Variants in LRRC4C observed in about 807,000 individuals in gnomAD.
LRRC4C encodes the protein leucine rich repeat containing 4C, also known as leucine-rich repeat-containing protein 4C.
LRRC4C carries 5 observed loss-of-function variants against 33.6 expected under a neutral mutation model. The observed-to-expected ratio is 0.15, with a 90% confidence interval of 0.08 to 0.31. The LOEUF is 0.31. Among genes scored for constraint, LRRC4C ranks in the 10% least tolerant of loss-of-function variants. The pLI is 1.00. For missense variants in LRRC4C, 560 were observed against 796.7 expected (o/e 0.70, Z 3.58); for synonymous variants, 329 against 302.0 (o/e 1.09, Z -0.93).
chr11:41,253,840 C>T lies in LRRC4C; in HGVS notation c.-496+205591G>A, dbSNP rs577973427. Among the ~76,000 whole-genome samples, 46 of 152,132 alleles carry T rather than the reference C, an allele frequency of 3.0e-4. No individual in the cohort carries two copies. The East Asian group carries it at 3.5e-3, about 11-fold the overall frequency. ...AAAAGAGTCAAAAGACTAATGACGG[C>T]GGCAGTTTTAGAATAAGGATCCACC... On this transcript the variant is annotated intron_variant, in intron 1 of 6. Transcript: ENST00000528697.
intron 4 of LRRC4C, among the ~76,000 whole-genome samples, chr11:40,303,039 G>A (rs1205756196): frequency 6.6e-6 from 1 of 152,006 alleles, no homozygotes; most frequent in Non-Finnish European, 1.5e-5. Context: ...TTCTTTTTGG[G>A]GAGTTTTTTC....
At chr11:41,198,589 C>G (rs1287990453) in intron 1 of LRRC4C, among the ~76,000 whole-genome samples, 2 of 150,198 alleles carry the variant, frequency 1.3e-5, no homozygotes, top group African/African-American at 4.9e-5. Flanking sequence ...TCCAAATGAG[C>G]CCTTCTGACA....
At chr11:41,021,420 T>G (rs1388256271) in intron 1 of LRRC4C, among the ~76,000 whole-genome samples, 1 of 151,988 alleles carries the variant, frequency 6.6e-6, no homozygotes, top group Non-Finnish European at 1.5e-5. Flanking sequence ...AACCCTACAC[T>G]AGACTTCCCT....
At chr11:40,144,335 G>C (rs1212953283) in intron 5 of LRRC4C, among the ~76,000 whole-genome samples, 1 of 152,068 alleles carries the variant, frequency 6.6e-6, no homozygotes, top group Non-Finnish European at 1.5e-5. Flanking sequence ...GCTACCAGCA[G>C]ACCCTTCATT....
At chr11:40,741,276 A>G (rs542245411) in intron 2 of LRRC4C, among the ~76,000 whole-genome samples, 19 of 152,086 alleles carry the variant, frequency 1.2e-4, no homozygotes, top group Non-Finnish European at 2.8e-4. Context: ...GTGTGAAAAT[A>G]AAACCATTAA....
chr11:40,741,367 A>G (rs1378848517), intron 2 of LRRC4C, among the ~76,000 whole-genome samples: 2 of 152,070 alleles, frequency 1.3e-5, no homozygotes, highest in Admixed American at 1.3e-4. Flanking sequence ...AATCTCCAAC[A>G]TATCAAGACT....
At chr11:40,590,129 T>G (rs1047064988) in intron 3 of LRRC4C, among the ~76,000 whole-genome samples, 2 of 151,734 alleles carry the variant, frequency 1.3e-5, no homozygotes, top group African/African-American at 4.8e-5. Context: ...CAGATGTAGA[T>G]TTGGTCTTTT....
intron 3 of LRRC4C, among the ~76,000 whole-genome samples, chr11:40,569,959 C>T (rs1005638535): frequency 2.6e-5 from 4 of 151,536 alleles, no homozygotes; most frequent in African/African-American, 7.3e-5. Flanking sequence ...CAGTTTGCTC[C>T]ATGGAGTTTG....
intron 1 of LRRC4C, among the ~76,000 whole-genome samples, chr11:40,993,526 G>A (rs1268257350): frequency 6.6e-6 from 1 of 152,114 alleles, no homozygotes; most frequent in Non-Finnish European, 1.5e-5. Flanking sequence ...AAGGACACCT[G>A]CATTGAAACT....
intron 1 of LRRC4C, among the ~76,000 whole-genome samples, chr11:41,388,714 A>G (rs1953460808): frequency 6.6e-6 from 1 of 151,848 alleles, no homozygotes; most frequent in African/African-American, 2.4e-5. Context: ...AGTGAAGCCA[A>G]TTATAGAAAG....
intron 1 of LRRC4C, among the ~76,000 whole-genome samples, chr11:41,429,865 A>G (rs1955175968): frequency 6.6e-6 from 1 of 152,128 alleles, no homozygotes; most frequent in Non-Finnish European, 1.5e-5. Flanking sequence ...TCCCCTGGAG[A>G]GGTTAGATAG....
intron 3 of LRRC4C, among the ~76,000 whole-genome samples, chr11:40,438,218 CT>C (rs1951227338): frequency 6.6e-6 from 1 of 152,204 alleles, no homozygotes; most frequent in Non-Finnish European, 1.5e-5. Flanking sequence ...CTGATATATG[CT>C]TCCCCTAGTT....
At chr11:40,990,883 G>C (rs1252476335) in intron 1 of LRRC4C, among the ~76,000 whole-genome samples, 1 of 151,742 alleles carries the variant, frequency 6.6e-6, no homozygotes, top group Admixed American at 6.6e-5. Context: ...TAAAAGAAGT[G>C]CTTTTTTTTA....
chr11:41,094,329 T>C (rs1254412532), intron 1 of LRRC4C, among the ~76,000 whole-genome samples: 3 of 151,706 alleles, frequency 2.0e-5, no homozygotes, highest in Non-Finnish European at 2.9e-5. Context: ...ATACAGACCA[T>C]CCTGGCTAAC....
At chr11:40,250,234 G>T (rs567226306) in intron 4 of LRRC4C, among the ~76,000 whole-genome samples, 2 of 152,094 alleles carry the variant, frequency 1.3e-5, no homozygotes, top group Non-Finnish European at 2.9e-5. Flanking sequence ...TTTTGCAAAA[G>T]AAAAAGAACA....
chr11:40,305,886 A>G (rs1457120424), intron 4 of LRRC4C, among the ~76,000 whole-genome samples: 5 of 152,250 alleles, frequency 3.3e-5, no homozygotes, highest in Non-Finnish European at 7.3e-5. Flanking sequence ...GCACTCAATT[A>G]TTAGTCATAT....
Position 40,992,769 on chromosome 11 carries a change from T to C in LRRC4C, c.-495-59046A>G, listed in dbSNP as rs114836069. Among the ~76,000 whole-genome samples, 484 of 152,318 alleles carry C rather than the reference T, an allele frequency of 3.2e-3. 7 individuals carry two copies. In the South Asian group the frequency reaches 0.036, roughly 11 times the overall value. On this transcript the variant is annotated intron_variant, in intron 1 of 6. Coordinates refer to ENST00000528697, the MANE Select transcript of LRRC4C (RefSeq NM_001258419.2). The stretch of plus-strand genomic sequence containing the variant: ...ATTTAAAATTAAACTATGGGTCTAC[T>C]GTTTAGTATTCTCATTTAATATTTA...
At chr11:40,619,327 A>C (rs1591293288) in intron 3 of LRRC4C, among the ~76,000 whole-genome samples, 1 of 151,886 alleles carries the variant, frequency 6.6e-6, no homozygotes, top group Non-Finnish European at 1.5e-5. Context: ...GGGGATGGCT[A>C]TCCCATTCTT....
At chr11:40,899,781 A>G (rs1956128137) in intron 2 of LRRC4C, among the ~76,000 whole-genome samples, 1 of 152,224 alleles carries the variant, frequency 6.6e-6, no homozygotes, top group African/African-American at 2.4e-5. Flanking sequence ...AACAAAATTT[A>G]GGATCAAGAG....
Sources: gnomAD v4.1 joint callset for allele counts (sites outside exome capture counted in the v4.1 genomes callset) on GRCh38, gnomAD v4.1.1 for gene constraint, MANE v1.5 for transcripts, NCBI Gene and HGNC (gene_info 2026-07-23, HGNC 2026-07-21) for gene names.